The following ZNF385B variants were observed in gnomAD, a reference collection of about 807,000 sequenced individuals.
ZNF385B encodes zinc finger protein 533.
Under a neutral mutation model 39.2 loss-of-function variants are expected in ZNF385B, and 23 were observed. The observed-to-expected ratio is 0.59, with a 90% CI of 0.42 to 0.83. The LOEUF is 0.83. Ranked by LOEUF, ZNF385B falls within the 40% of genes least tolerant of loss-of-function variation. The probability of loss-of-function intolerance (pLI) is 0.00; values close to 1 mark genes in which losing one functional copy is unlikely to be tolerated. For synonymous variants in ZNF385B, 205 were observed against 222.6 expected (o/e 0.92, Z 0.70); for missense variants, 552 against 598.9 (o/e 0.92, Z 0.82).
At chr2:179,443,535 C>T (rs1307706180) in intron 9 of ZNF385B, 67 bp from the exon 10 acceptor site, 3 of 1,237,994 alleles carry the variant, frequency 2.4e-6, no homozygotes, top group Non-Finnish European at 2.3e-6. Context: ...CCACAGGCAT[C>T]TTTTCATAAG....
At chr2:179,733,115 A>G (rs1314874258) in intron 3 of ZNF385B, among the ~76,000 whole-genome samples, 1 of 152,218 alleles carries the variant, frequency 6.6e-6, no homozygotes, top group Non-Finnish European at 1.5e-5. Flanking sequence ...GAAGGTAAAC[A>G]TGCATTATCA....
intron 4 of ZNF385B, among the ~76,000 whole-genome samples, chr2:179,541,600 C>T (rs773017073): frequency 9.9e-5 from 15 of 152,102 alleles, no homozygotes; most frequent in East Asian, 7.7e-4. Context: ...AAAAATAAAA[C>T]GATAAGGTAG....
intron 3 of ZNF385B, among the ~76,000 whole-genome samples, chr2:179,761,761 C>CTTTTTTTTTTTTTT (rs34325728): frequency 3.1e-3 from 337 of 110,214 alleles, no homozygotes; most frequent in East Asian, 3.7e-3. Flanking sequence ...TTTTTCTTTT[C>CTTTTTTTTTTTTTT]TTTTTTTTTT....
chr2:179,684,879 C>T (rs891506989), intron 3 of ZNF385B, among the ~76,000 whole-genome samples: 1 of 152,152 alleles, frequency 6.6e-6, no homozygotes, highest in Non-Finnish European at 1.5e-5. Flanking sequence ...AAATTTTAGG[C>T]ACTTTAAGTG....
intron 3 of ZNF385B, among the ~76,000 whole-genome samples, chr2:179,598,556 TTATA>T (rs1203796259): frequency 6.6e-6 from 1 of 152,134 alleles, no homozygotes; most frequent in Non-Finnish European, 1.5e-5. Context: ...AGTCCATTTA[TTATA>T]TATATAAAAC....
At chr2:179,558,724 T>TA (rs35541436) in intron 3 of ZNF385B, among the ~76,000 whole-genome samples, 25,736 of 152,130 alleles carry the variant, frequency 0.17, 2,496 homozygotes, top group Middle Eastern at 0.28. Flanking sequence ...AGAGTGTTCA[T>TA]AAAAAATTCT....
chr2:179,674,782 A>G (rs1203923449), intron 3 of ZNF385B, among the ~76,000 whole-genome samples: 2 of 152,214 alleles, frequency 1.3e-5, no homozygotes, highest in Non-Finnish European at 2.9e-5. Flanking sequence ...AGGTCAGCAC[A>G]TGGGTGGTCT....
chr2:179,775,873 G>A (rs1410727663), intron 1 of ZNF385B, among the ~76,000 whole-genome samples: 2 of 152,164 alleles, frequency 1.3e-5, no homozygotes, highest in Non-Finnish European at 2.9e-5. Flanking sequence ...CTGCTTCTCT[G>A]CAAATTATCT....
At chr2:179,499,339 G>A (rs2056547567) in intron 5 of ZNF385B, among the ~76,000 whole-genome samples, 1 of 151,342 alleles carries the variant, frequency 6.6e-6, no homozygotes, top group Non-Finnish European at 1.5e-5. Flanking sequence ...ACATTACAAA[G>A]ACATAAAAAA....
intron 5 of ZNF385B, among the ~76,000 whole-genome samples, chr2:179,493,688 CAT>C (rs1207048803): frequency 1.8e-4 from 17 of 92,490 alleles, no homozygotes; most frequent in South Asian, 6.8e-4. Context: ...TACATATACA[CAT>C]ATATACATAT....
intron 3 of ZNF385B, among the ~76,000 whole-genome samples, chr2:179,716,851 G>T (rs773884093): frequency 5.9e-5 from 9 of 152,164 alleles, no homozygotes; most frequent in Non-Finnish European, 1.0e-4. Flanking sequence ...TGTATGAAGA[G>T]ACCACATAGC....
intron 3 of ZNF385B, among the ~76,000 whole-genome samples, chr2:179,661,424 C>G (rs1338137082): frequency 6.6e-6 from 1 of 152,196 alleles, no homozygotes; most frequent in African/African-American, 2.4e-5. Context: ...AGCTTGCAGA[C>G]AGCCTGTCAT....
At chr2:179,545,117 A>C in intron 3 of ZNF385B, 148 bp from the exon 4 acceptor site, 1 of 900,516 alleles carries the variant, frequency 1.1e-6, no homozygotes, top group South Asian at 1.6e-5. Flanking sequence ...GGAGTAGTAA[A>C]CACAATAAAA....
intron 3 of ZNF385B, among the ~76,000 whole-genome samples, chr2:179,588,828 A>G (rs769337867): frequency 6.6e-6 from 1 of 152,166 alleles, no homozygotes; most frequent in Non-Finnish European, 1.5e-5. Flanking sequence ...TGAAAAGGAA[A>G]ATGTGATGAT....
intron 9 of ZNF385B, among the ~76,000 whole-genome samples, chr2:179,444,371 A>G (rs548610969): frequency 1.8e-4 from 27 of 152,360 alleles, no homozygotes; most frequent in African/African-American, 5.8e-4. Context: ...CACTGAAAAT[A>G]GCACATATTG....
rs778423480 is a variant in ZNF385B at position 179,518,519 on chromosome 2, G to C, written c.552+9C>G. 1.3e-6 allele frequency: 2 copies of C among 1,554,766 alleles called. No individual in the cohort carries two copies. The highest frequency in any genetic ancestry group is 3.7e-5 in the Admixed American group (2 of 54,464). ...AAACTACAGAGAATAATGAAAAGGT[G>C]ATACTCACATCTGAGTTAAAGCGAA... On this transcript the variant is annotated intron_variant, in intron 5 of 9. Coordinates refer to ENST00000410066, the MANE Select transcript of ZNF385B (RefSeq NM_152520.6).
chr2:179,509,007 TG>T (rs2057459644), intron 5 of ZNF385B, among the ~76,000 whole-genome samples: 1 of 151,038 alleles, frequency 6.6e-6, no homozygotes, highest in East Asian at 1.9e-4. Flanking sequence ...AGTGTAGTGG[TG>T]TGATCTGGGC....
Position 179,550,516 on chromosome 2 carries a change from G to T in ZNF385B, c.299-5547C>A, listed in dbSNP as rs142415749. ...CATTAGCATAAAAAACTTAGCAGCT[G>T]TTTACCATTTCATTAGCATTTTAAT... On this transcript the variant is annotated intron_variant, in intron 3 of 9. Coordinates refer to ENST00000410066, the MANE Select transcript of ZNF385B (RefSeq NM_152520.6). 4.9e-3 allele frequency among the ~76,000 whole-genome samples: 738 copies of T among 149,826 alleles called. 63 individuals are homozygous for T. Among genetic ancestry groups the T allele is most frequent in the South Asian group, 0.015 (71 of 4,674 alleles).
chr2:179,757,674 C>T (rs376503801), intron 3 of ZNF385B, among the ~76,000 whole-genome samples: 4 of 152,178 alleles, frequency 2.6e-5, no homozygotes, highest in East Asian at 1.9e-4. Context: ...GGCGCCCCTC[C>T]CCCAGTCTTG....
Sources: gnomAD v4.1 joint callset for allele counts (sites outside exome capture counted in the v4.1 genomes callset) on GRCh38, gnomAD v4.1.1 for gene constraint, MANE v1.5 for transcripts, NCBI Gene and HGNC (gene_info 2026-07-23, HGNC 2026-07-21) for gene names.